Variants in PALLD observed in about 807,000 individuals in gnomAD.
The protein encoded by PALLD is palladin.
PALLD carries 61 observed loss-of-function variants against 123.5 expected under a neutral mutation model. The ratio of observed to expected loss-of-function variants is 0.49; its 90% CI spans 0.40 to 0.61. The LOEUF is 0.61. Among genes scored for constraint, PALLD ranks in the 20% least tolerant of loss-of-function variants. The probability of loss-of-function intolerance (pLI) is 0.00; values close to 1 mark genes in which losing one functional copy is unlikely to be tolerated. For synonymous variants in PALLD, 465 were observed against 496.4 expected (o/e 0.94, Z 0.84); for missense variants, 1,273 against 1,377.0 (o/e 0.92, Z 1.20).
At chr4:168,737,537 G>T (rs1269799724) in intron 10 of PALLD, among the ~76,000 whole-genome samples, 2 of 150,280 alleles carry the variant, frequency 1.3e-5, no homozygotes, top group African/African-American at 2.4e-5. Context: ...TTTTTTTTTT[G>T]AAAACAGTTT....
intron 8 of PALLD, among the ~76,000 whole-genome samples, chr4:168,702,005 C>T (rs1015366370): frequency 3.3e-5 from 5 of 152,314 alleles, no homozygotes; most frequent in African/African-American, 1.2e-4. Flanking sequence ...TCTTATACCT[C>T]AGAGGACATA....
Position 168,645,451 on chromosome 4 carries a change from C to T in PALLD, c.909-22739C>T, listed in dbSNP as rs963870801. Among the ~76,000 whole-genome samples the T allele has an allele frequency of 6.6e-5, 10 of 152,042 alleles. No individual in the cohort carries two copies. The South Asian group carries it at 1.7e-3, about 25-fold the overall frequency. Reference sequence around the variant, plus strand: ...GCCATCCACAGTGTCACTTATCGGGCGGCAATATCAAGTAGTGGTTAAACT... The same window carrying T: ...GCCATCCACAGTGTCACTTATCGGGTGGCAATATCAAGTAGTGGTTAAACT... On this transcript the variant is annotated intron_variant, in intron 2 of 21. Coordinates refer to ENST00000505667, the MANE Select transcript of PALLD (RefSeq NM_001166108.2).
intron 2 of PALLD, among the ~76,000 whole-genome samples, chr4:168,533,539 G>A (rs1437522780): frequency 2.6e-5 from 4 of 152,214 alleles, no homozygotes; most frequent in Admixed American, 6.5e-5. Context: ...AAGACCAAAG[G>A]AGGAATAGAT....
chr4:168,705,029 C>T (rs1278386702), intron 8 of PALLD, among the ~76,000 whole-genome samples: 2 of 151,500 alleles, frequency 1.3e-5, no homozygotes, highest in Non-Finnish European at 3.0e-5. Flanking sequence ...TTCCTACTTA[C>T]ATCTTATATT....
intron 10 of PALLD, among the ~76,000 whole-genome samples, chr4:168,715,266 C>T (rs1785238392): frequency 6.6e-6 from 1 of 152,180 alleles, no homozygotes; most frequent in South Asian, 2.1e-4. Flanking sequence ...GTTTCTAACA[C>T]TCTCCCTCAA....
Position 168,711,845 on chromosome 4 carries a change from G to C in PALLD, c.1886G>C (p.Ser629Thr). The C allele has an allele frequency of 1.2e-6, 2 of 1,614,140 alleles. No homozygotes were observed. The highest frequency in any genetic ancestry group is 1.7e-5 in the Admixed American group (1 of 60,004). The change falls in exon 10 of 22, where the codon AGT (serine) becomes ACT (threonine). Residue 629 changes from serine to threonine, a missense_variant. Physicochemically the swap from Ser to Thr is moderately conservative, Grantham distance 58. Coordinates refer to ENST00000505667, the MANE Select transcript of PALLD (RefSeq NM_001166108.2). ...GGACTGATTAACGGCAAAGCTAACA[G>C]TAATAAATCTCTTCCAACACCAGCT... Reference protein sequence around the residue: ...VNGLINGKANSNKSLPTPAVL... With the variant: ...VNGLINGKANTNKSLPTPAVL...
At chr4:168,784,522 G>A (rs113346498) in intron 10 of PALLD, among the ~76,000 whole-genome samples, 19 of 152,178 alleles carry the variant, frequency 1.2e-4, no homozygotes, top group African/African-American at 4.6e-4. Flanking sequence ...GAAGGCAGAG[G>A]GCGGCTTGAG....
At chr4:168,679,239 G>GT (rs1781249199) in intron 3 of PALLD, among the ~76,000 whole-genome samples, 1 of 99,912 alleles carries the variant, frequency 1.0e-5, no homozygotes, top group Non-Finnish European at 2.1e-5. Context: ...TGGTGTGTGT[G>GT]GGGTGTGTGT....
chr4:168,759,911 A>C (rs1180783288), intron 10 of PALLD, among the ~76,000 whole-genome samples: 1 of 151,950 alleles, frequency 6.6e-6, no homozygotes, highest in Non-Finnish European at 1.5e-5. Flanking sequence ...AAAATTAGCC[A>C]GGGGTGGTGG....
At chr4:168,859,689 C>A (rs1353015918) in intron 10 of PALLD, among the ~76,000 whole-genome samples, 2 of 152,106 alleles carry the variant, frequency 1.3e-5, no homozygotes, top group African/African-American at 4.8e-5. Flanking sequence ...ATCTGGCGAA[C>A]CTCTAGTAGG....
chr4:168,537,011 G>A (rs1022578619), intron 2 of PALLD, among the ~76,000 whole-genome samples: 2 of 152,056 alleles, frequency 1.3e-5, no homozygotes, highest in African/African-American at 4.8e-5. Context: ...TGTATTTTTA[G>A]TAGAGACAGT....
intron 2 of PALLD, among the ~76,000 whole-genome samples, chr4:168,625,122 G>A (rs922418718): frequency 2.0e-5 from 3 of 152,016 alleles, no homozygotes; most frequent in African/African-American, 4.8e-5. Flanking sequence ...GATATTAAAT[G>A]TATAATAGAA....
chr4:168,725,820 C>G (rs1786526043), intron 10 of PALLD, among the ~76,000 whole-genome samples: 1 of 152,104 alleles, frequency 6.6e-6, no homozygotes, highest in Non-Finnish European at 1.5e-5. Context: ...GCCACCACAC[C>G]CAGCCTGTTC....
In PALLD at chr4:168,795,963, A is replaced by T. The variant is rs1405939450; in HGVS notation, c.1964+84040A>T. 5.3e-5 allele frequency among the ~76,000 whole-genome samples: 8 copies of T among 152,160 alleles called. No homozygotes were observed. The East Asian group carries it at 1.5e-3, about 29-fold the overall frequency. On this transcript the variant is annotated intron_variant, in intron 10 of 21. Transcript: ENST00000505667. ...TAGGGTATATGAGATGTTTTGATACAGGCATGCAATGTGAAATAATCACAA... is the reference window on the plus strand; with the variant it reads ...TAGGGTATATGAGATGTTTTGATACTGGCATGCAATGTGAAATAATCACAA...
At chr4:168,824,624 T>C (rs1743162955) in intron 10 of PALLD, among the ~76,000 whole-genome samples, 1 of 152,074 alleles carries the variant, frequency 6.6e-6, no homozygotes, top group Admixed American at 6.6e-5. Context: ...AGCAATGGAA[T>C]TATTTTTTAC....
chr4:168,720,731 C>CCT (rs1408290214), intron 10 of PALLD, among the ~76,000 whole-genome samples: 2 of 152,212 alleles, frequency 1.3e-5, no homozygotes, highest in Non-Finnish European at 2.9e-5. Flanking sequence ...AAGAGAAAGG[C>CCT]ATATCCTATA....
At chr4:168,854,543 C>T (rs1748293800) in intron 10 of PALLD, among the ~76,000 whole-genome samples, 1 of 152,190 alleles carries the variant, frequency 6.6e-6, no homozygotes, top group South Asian at 2.1e-4. Flanking sequence ...AAGAAGAGAA[C>T]AGCCGTGCAG....
chr4:168,553,994 T>G (rs533631472), intron 2 of PALLD, among the ~76,000 whole-genome samples: 143 of 152,164 alleles, frequency 9.4e-4, no homozygotes, highest in Non-Finnish European at 1.8e-3. Context: ...TACCACATCT[T>G]TCCCTGAGTC....
intron 15 of PALLD, among the ~76,000 whole-genome samples, chr4:168,906,621 G>T (rs971376154): frequency 1.3e-5 from 2 of 151,986 alleles, no homozygotes; most frequent in South Asian, 2.1e-4. Context: ...GAATAAAAAA[G>T]AAATTTTTGT....
Sources: gnomAD v4.1 joint callset for allele counts (sites outside exome capture counted in the v4.1 genomes callset) on GRCh38, gnomAD v4.1.1 for gene constraint, MANE v1.5 for transcripts, NCBI Gene and HGNC (gene_info 2026-07-23, HGNC 2026-07-21) for gene names.